The following MBOAT1 variants were observed in gnomAD, a reference collection of about 807,000 sequenced individuals.
The protein encoded by MBOAT1 is membrane bound glycerophospholipid O-acyltransferase 1.
In MBOAT1, 67 loss-of-function variants were observed where a neutral mutation model predicts 64.4. The ratio of observed to expected loss-of-function variants is 1.04; its 90% CI spans 0.85 to 1.27. MBOAT1 has a LOEUF of 1.27. MBOAT1 is among the 50% of genes most tolerant of loss of function. The pLI, the probability that MBOAT1 is intolerant of heterozygous loss-of-function variation, is 0.00. For missense variants in MBOAT1, 563 were observed against 604.6 expected, an observed-to-expected ratio of 0.93 and a Z score of 0.72; for synonymous variants, 229 against 218.9, an observed-to-expected ratio of 1.05 and a Z score of -0.41.
At chr6:20,111,641 T>A (rs1188104219) in intron 11 of MBOAT1, among the ~76,000 whole-genome samples, 1 of 151,700 alleles carries the variant, frequency 6.6e-6, no homozygotes, top group African/African-American at 2.4e-5. Context: ...TTTTATTTCT[T>A]AATTTGGCCT....
chr6:20,199,195 T>C (rs1171966105), intron 1 of MBOAT1, among the ~76,000 whole-genome samples: 1 of 152,200 alleles, frequency 6.6e-6, no homozygotes, highest in East Asian at 1.9e-4. Context: ...GGCTGCTTGA[T>C]TCGGGAATCA....
At position 20,124,393 on chromosome 6, in the gene MBOAT1, C is replaced by CT. The variant is rs1760588227; in HGVS notation, c.907+14dup. The CT allele has an allele frequency of 6.2e-7, 1 of 1,609,178 alleles. No individual in the cohort carries two copies. Among genetic ancestry groups the CT allele is most frequent in the Non-Finnish European group, 8.5e-7 (1 of 1,176,948 alleles). On this transcript the variant is annotated intron_variant, in intron 8 of 12. Coordinates refer to ENST00000324607, the MANE Select transcript of MBOAT1 (RefSeq NM_001080480.3). ...TTTTTCCCTCATTCAGTTACAGCTA[C>CT]TCCATCAAACTTACCTAATGTCCAT...
At chr6:20,146,763 C>G (rs905225815) in intron 3 of MBOAT1, among the ~76,000 whole-genome samples, 1 of 152,176 alleles carries the variant, frequency 6.6e-6, no homozygotes, top group Non-Finnish European at 1.5e-5. Flanking sequence ...TAGTAGGACC[C>G]CGCCTGCCCA....
At chr6:20,151,354 C>G in intron 2 of MBOAT1, 92 bp from the exon 3 acceptor site, 1 of 793,470 alleles carries the variant, frequency 1.3e-6, no homozygotes, top group East Asian at 2.6e-5. Context: ...ATCACTACCC[C>G]TGCCAAAAAC....
rs58324162 is a variant in MBOAT1, at chr6:20,107,383, C to A, written c.1361+2215G>T. On this transcript the variant is annotated intron_variant, in intron 12 of 12. Coordinates refer to ENST00000324607, the MANE Select transcript of MBOAT1 (RefSeq NM_001080480.3). ...CAAGTCTGGAGCATGGCCCACAATG[C>A]CCTCCTTGCCCACCGCGCTCACACA... 9.4e-3 allele frequency among the ~76,000 whole-genome samples: 1,430 copies of A among 151,888 alleles called. 21 individuals are homozygous for A. Among genetic ancestry groups the A allele is most frequent in the African/African-American group, 0.032 (1,329 of 41,322 alleles).
chr6:20,178,976 ATG>A (rs889279236), intron 1 of MBOAT1, among the ~76,000 whole-genome samples: 1 of 151,490 alleles, frequency 6.6e-6, no homozygotes, highest in African/African-American at 2.4e-5. Flanking sequence ...CCTGTGCAGG[ATG>A]TGCAGGTTTG....
At chr6:20,127,249 G>C (rs1437023919) in intron 6 of MBOAT1, among the ~76,000 whole-genome samples, 1 of 152,204 alleles carries the variant, frequency 6.6e-6, no homozygotes, top group Non-Finnish European at 1.5e-5. Context: ...CAAGGTAGTG[G>C]AGGGAAAAAA....
At chr6:20,198,975 C>T (rs868566415) in intron 1 of MBOAT1, among the ~76,000 whole-genome samples, 1 of 152,232 alleles carries the variant, frequency 6.6e-6, no homozygotes. Flanking sequence ...ACAGACCGTA[C>T]CTACATACTA....
chr6:20,202,471 T>A (rs192210196), intron 1 of MBOAT1, among the ~76,000 whole-genome samples: 3 of 152,190 alleles, frequency 2.0e-5, no homozygotes, highest in African/African-American at 7.2e-5. Flanking sequence ...TCAAGGTGAT[T>A]GTGGACTTTC....
rs1003506112 is a variant in MBOAT1 at position 20,100,771 on chromosome 6, A to G, written c.*1515T>C. Reference sequence around the variant, plus strand: ...TAATTTTTTATCGTTGGATTTGAATAAATTTTCTTCTCCCAAGCAATCTGA... The same window carrying G: ...TAATTTTTTATCGTTGGATTTGAATGAATTTTCTTCTCCCAAGCAATCTGA... On this transcript the variant is annotated 3_prime_UTR_variant, in exon 13 of 13. Coordinates refer to ENST00000324607, the MANE Select transcript of MBOAT1 (RefSeq NM_001080480.3). Among the ~76,000 whole-genome samples the G allele has an allele frequency of 6.6e-6, 1 of 152,348 alleles. No individual in the cohort carries two copies. The highest frequency in any genetic ancestry group is 2.1e-4 in the South Asian group (1 of 4,824).
intron 1 of MBOAT1, among the ~76,000 whole-genome samples, chr6:20,178,843 G>C (rs1324713847): frequency 6.6e-6 from 1 of 152,000 alleles, no homozygotes; most frequent in Non-Finnish European, 1.5e-5. Flanking sequence ...GTCCCTGAGG[G>C]GCTAAGCTTT....
intron 10 of MBOAT1, among the ~76,000 whole-genome samples, chr6:20,114,405 G>C (rs1760259311): frequency 6.6e-6 from 1 of 152,146 alleles, no homozygotes; most frequent in Non-Finnish European, 1.5e-5. Context: ...GAAAACAAAA[G>C]CATAGGGAAA....
At chr6:20,189,335 T>C (rs1762740229) in intron 1 of MBOAT1, among the ~76,000 whole-genome samples, 1 of 152,240 alleles carries the variant, frequency 6.6e-6, no homozygotes, top group Non-Finnish European at 1.5e-5. Flanking sequence ...AAGTACCATA[T>C]GTATTACCTC....
chr6:20,156,581 T>C (rs984664346), intron 1 of MBOAT1, among the ~76,000 whole-genome samples: 5 of 152,214 alleles, frequency 3.3e-5, no homozygotes, highest in African/African-American at 1.2e-4. Context: ...TCTTATAAGG[T>C]ACAGGCTGAA....
At chr6:20,205,417 C>A (rs1763234119) in intron 1 of MBOAT1, among the ~76,000 whole-genome samples, 1 of 152,128 alleles carries the variant, frequency 6.6e-6, no homozygotes, top group South Asian at 2.1e-4. Flanking sequence ...ACCTCTTGTT[C>A]CACAACAGGA....
At chr6:20,125,053 G>A (rs1760611176) in intron 7 of MBOAT1, among the ~76,000 whole-genome samples, 1 of 152,210 alleles carries the variant, frequency 6.6e-6, no homozygotes, top group South Asian at 2.1e-4. Flanking sequence ...TTCTGAGCAA[G>A]TGATTGAATA....
intron 1 of MBOAT1, among the ~76,000 whole-genome samples, chr6:20,195,861 T>C (rs1762941512): frequency 6.6e-6 from 1 of 152,124 alleles, no homozygotes; most frequent in Non-Finnish European, 1.5e-5. Context: ...CTGGGGTATA[T>C]ACCCATCCAG....
chr6:20,188,952 C>G lies in MBOAT1; in HGVS notation c.99+23184G>C, dbSNP rs1762730221. Among the ~76,000 whole-genome samples the G allele has an allele frequency of 2.0e-5, 3 of 152,186 alleles. No individual in the cohort carries two copies. The South Asian group carries it at 6.2e-4, about 31-fold the overall frequency. On this transcript the variant is annotated intron_variant, in intron 1 of 12. Coordinates refer to ENST00000324607, the MANE Select transcript of MBOAT1 (RefSeq NM_001080480.3). The stretch of plus-strand genomic sequence containing the variant: ...ATGCCTGACCAGTTTCTTCCTTTCC[C>G]ACCTCTCAGTTCCTGAGGGGTAGAT...
In MBOAT1 at chr6:20,108,475, A is replaced by G. The variant is rs558287554; in HGVS notation, c.1361+1123T>C. On this transcript the variant is annotated intron_variant, in intron 12 of 12. Transcript: ENST00000324607. ...TGTAACAGCATGGACTTCATTGATG[A>G]GTGTTATATGGTTCCCTCAACCTTC... 2.6e-5 allele frequency among the ~76,000 whole-genome samples: 4 copies of G among 152,294 alleles called. No individual in the cohort carries two copies. The East Asian group carries it at 5.8e-4, about 22-fold the overall frequency.
Sources: allele counts gnomAD v4.1 joint callset (sites outside exome capture counted in the v4.1 genomes callset), GRCh38; gene constraint gnomAD v4.1.1; transcripts MANE v1.5; gene names NCBI Gene and HGNC (gene_info 2026-07-23, HGNC 2026-07-21).